SIPA1L1: variants seen among roughly 807,000 people sequenced by gnomAD.
SIPA1L1 encodes the protein signal induced proliferation associated 1 like 1, also known as signal-induced proliferation-associated 1-like protein 1.
In SIPA1L1, 26 loss-of-function variants were observed where a neutral mutation model predicts 162.7. That is an observed-to-expected ratio of 0.16 (90% CI 0.12 to 0.22). The LOEUF is 0.22. Ranked by LOEUF, SIPA1L1 falls within the 10% of genes least tolerant of loss-of-function variation. The pLI is 1.00. For missense variants in SIPA1L1, 1,874 were observed against 2,241.0 expected (o/e 0.84, Z 3.31); for synonymous variants, 829 against 837.4 (o/e 0.99, Z 0.17).
chr14:71,583,377 C>G (rs898788317), intron 4 of SIPA1L1, among the ~76,000 whole-genome samples: 2 of 152,220 alleles, frequency 1.3e-5, no homozygotes, highest in Admixed American at 1.3e-4. Context: ...GTTCCTTCTA[C>G]TGCCCTGAAA....
chr14:71,343,352 G>T (rs2035843930), intron 2 of SIPA1L1, among the ~76,000 whole-genome samples: 1 of 152,140 alleles, frequency 6.6e-6, no homozygotes, highest in Non-Finnish European at 1.5e-5. Flanking sequence ...GGCTGTGGAT[G>T]AGCTATGTAT....
In SIPA1L1 at chr14:71,702,413, T is replaced by C. The variant is rs79937396; in HGVS notation, c.3554T>C (p.Ile1185Thr). 51,719 of 1,614,048 alleles carry C rather than the reference T, an allele frequency of 0.032. 1,011 individuals carry two copies. The highest frequency in any genetic ancestry group is 0.038 in the Non-Finnish European group (44,965 of 1,179,904). The change falls in exon 15 of 24, where the codon ATT becomes ACT. Residue 1185 changes from isoleucine to threonine, a missense_variant. Ile to Thr is a moderately conservative substitution (Grantham distance 89, BLOSUM62 -1). This residue lies in a region of SIPA1L1 where 936 missense variants were observed against 1,051.9 expected (regional missense o/e 0.89). Transcript: ENST00000381232. The stretch of plus-strand genomic sequence containing the variant: ...GTGAGCCGTAGATCCCCAGCCTCCA[T>C]TGACAGGCAGAACACCCAGTCAGAT... ...FGVSRRSPASIDRQNTQSDIG... is the reference protein window; with the variant it reads ...FGVSRRSPASTDRQNTQSDIG...
chr14:71,623,293 C>T (rs1056601277), intron 6 of SIPA1L1, among the ~76,000 whole-genome samples: 1 of 152,108 alleles, frequency 6.6e-6, no homozygotes, highest in Admixed American at 6.5e-5. Flanking sequence ...CTCTTCTTTC[C>T]CCATGCAGCA....
intron 2 of SIPA1L1, among the ~76,000 whole-genome samples, chr14:71,440,570 G>A (rs1444149290): frequency 7.1e-6 from 1 of 140,686 alleles, no homozygotes; most frequent in Non-Finnish European, 1.5e-5. Context: ...GATAGCTTGA[G>A]CCTGGGAGGT....
In SIPA1L1 at chr14:71,372,270, A is replaced by G. The variant is rs8007169; in HGVS notation, c.-465+51089A>G. On this transcript the variant is annotated intron_variant, in intron 2 of 23. Transcript: ENST00000381232. The stretch of plus-strand genomic sequence containing the variant: ...TGACTTTTAGTTGCTATCAGTATGC[A>G]TAGATTCAAATAAAACCTTGGGCAT... Among the ~76,000 whole-genome samples, 348 of 152,296 alleles carry G rather than the reference A, an allele frequency of 2.3e-3. 2 individuals are homozygous for G. The highest frequency in any genetic ancestry group is 7.7e-3 in the African/African-American group (321 of 41,532).
At chr14:71,537,485 A>C (rs1377667684) in intron 4 of SIPA1L1, among the ~76,000 whole-genome samples, 2 of 152,216 alleles carry the variant, frequency 1.3e-5, no homozygotes, top group East Asian at 3.8e-4. Context: ...GATCACAGGC[A>C]TGAGCCACCA....
rs550177834 is a variant in SIPA1L1, at chr14:71,666,652, T to C, written c.2256-4467T>C. On this transcript the variant is annotated intron_variant, in intron 10 of 23. Transcript: ENST00000381232. The stretch of plus-strand genomic sequence containing the variant: ...ATATGTGTTACTCCTCTCAGAGAGG[T>C]TTCCATACCCGGTAATTAAAATGTA... 1.1e-3 allele frequency among the ~76,000 whole-genome samples: 171 copies of C among 152,030 alleles called. 2 individuals are homozygous for C. In the South Asian group the frequency reaches 0.014, roughly 12 times the overall value.
rs188128567 is a variant in SIPA1L1 at position 71,712,309 on chromosome 14, T to G, written c.4208+2645T>G. Among the ~76,000 whole-genome samples the G allele has an allele frequency of 7.2e-5, 11 of 152,260 alleles. No homozygotes were observed. The East Asian group carries it at 1.2e-3, about 16-fold the overall frequency. ...CTCATGAGAGCTACATTAATACAGG[T>G]TGGTAATTACATAGAGTTGCTATAT... is the stretch of plus-strand genomic sequence containing the variant. On this transcript the variant is annotated intron_variant, in intron 17 of 23. Coordinates refer to ENST00000381232, the MANE Select transcript of SIPA1L1 (RefSeq NM_001386936.1).
chr14:71,521,185 T>C (rs1051570034), intron 3 of SIPA1L1, among the ~76,000 whole-genome samples: 103 of 152,324 alleles, frequency 6.8e-4, no homozygotes, highest in African/African-American at 2.3e-3. Flanking sequence ...AATGGCTAGG[T>C]ACATGGCTGA....
chr14:71,530,449 A>G (rs962087353), intron 4 of SIPA1L1, among the ~76,000 whole-genome samples: 1 of 151,922 alleles, frequency 6.6e-6, no homozygotes, highest in Non-Finnish European at 1.5e-5. Flanking sequence ...AGGTAGGTGC[A>G]TATTTGGCAG....
chr14:71,554,925 T>C (rs2056214838), intron 4 of SIPA1L1, among the ~76,000 whole-genome samples: 1 of 152,126 alleles, frequency 6.6e-6, no homozygotes, highest in Admixed American at 6.6e-5. Context: ...TTTTAAAGGC[T>C]CTCGATACAT....
intron 2 of SIPA1L1, among the ~76,000 whole-genome samples, chr14:71,348,182 A>G (rs904026629): frequency 6.6e-6 from 1 of 152,190 alleles, no homozygotes; most frequent in African/African-American, 2.4e-5. Context: ...CAAAATGCAT[A>G]CACACATGTA....
intron 5 of SIPA1L1, among the ~76,000 whole-genome samples, chr14:71,594,805 GCTCT>G (rs1243064701): frequency 6.6e-6 from 1 of 152,130 alleles, no homozygotes; most frequent in African/African-American, 2.4e-5. Flanking sequence ...TTCGAAGGTA[GCTCT>G]CTATGTATTC....
At chr14:71,563,196 TTTTA>T (rs1191871646) in intron 4 of SIPA1L1, among the ~76,000 whole-genome samples, 2 of 152,222 alleles carry the variant, frequency 1.3e-5, no homozygotes, top group African/African-American at 2.4e-5. Context: ...TTTGTCTTGA[TTTTA>T]TTTATTACTA....
intron 2 of SIPA1L1, among the ~76,000 whole-genome samples, chr14:71,492,005 C>T (rs150925118): frequency 0.015 from 2,224 of 152,232 alleles, 24 homozygotes; most frequent in South Asian, 0.025. Context: ...CCTCTGTCAC[C>T]TAATGATTTG....
chr14:71,446,175 T>C (rs1312787243), intron 2 of SIPA1L1, among the ~76,000 whole-genome samples: 1 of 152,088 alleles, frequency 6.6e-6, no homozygotes, highest in Non-Finnish European at 1.5e-5. Flanking sequence ...TTTAAAGGAA[T>C]TGTTTTTTGC....
intron 17 of SIPA1L1, among the ~76,000 whole-genome samples, chr14:71,716,325 G>A (rs201312702): frequency 6.6e-6 from 1 of 152,114 alleles, no homozygotes; most frequent in African/African-American, 2.4e-5. Flanking sequence ...CAGGAAACCC[G>A]ATCAGCTCTC....
At chr14:71,655,203 T>G (rs141583549) in intron 8 of SIPA1L1, among the ~76,000 whole-genome samples, 145 of 152,266 alleles carry the variant, frequency 9.5e-4, no homozygotes, top group African/African-American at 3.4e-3. Context: ...CTCCTGCTTG[T>G]AAGTGAAAAC....
intron 3 of SIPA1L1, among the ~76,000 whole-genome samples, chr14:71,520,979 C>T (rs369882180): frequency 1.3e-5 from 2 of 152,132 alleles, no homozygotes; most frequent in Non-Finnish European, 2.9e-5. Context: ...GTCTCGAACT[C>T]CTGGACTCAT....
Sources: allele counts gnomAD v4.1 joint callset (sites outside exome capture counted in the v4.1 genomes callset), GRCh38; gene constraint gnomAD v4.1.1; regional missense constraint gnomAD v4.1.1; transcripts MANE v1.5; gene names NCBI Gene and HGNC (gene_info 2026-07-23, HGNC 2026-07-21).